RELN: variants seen among roughly 807,000 people sequenced by gnomAD.
The protein encoded by RELN is reelin.
RELN carries 108 observed loss-of-function variants against 427.6 expected under a neutral mutation model. That is an observed-to-expected ratio of 0.25 (90% CI 0.22 to 0.30). The LOEUF (loss-of-function observed/expected upper bound fraction) is 0.30. Among genes scored for constraint, RELN ranks in the 10% least tolerant of loss-of-function variants. The probability of loss-of-function intolerance (pLI) is 1.00; values close to 1 mark genes in which losing one functional copy is unlikely to be tolerated. For synonymous variants in RELN, 1,524 were observed against 1,513.4 expected (o/e 1.01, Z -0.16); for missense variants, 3,715 against 4,302.8 (o/e 0.86, Z 3.82).
In RELN at chr7:103,773,327, C is replaced by A. The variant is rs1429072983; in HGVS notation, c.544+3230G>T. On this transcript the variant is annotated intron_variant, in intron 4 of 64. Transcript: ENST00000428762. Reference sequence around the variant, plus strand: ...TCCCTCCCTCGCTCCCTCCGTCTCTCTCTCTCCCTCGCTTCCTCTCTCTCT... The same window carrying A: ...TCCCTCCCTCGCTCCCTCCGTCTCTATCTCTCCCTCGCTTCCTCTCTCTCT... 2.0e-4 allele frequency among the ~76,000 whole-genome samples: 16 copies of A among 80,760 alleles called. 1 individual carries two copies. Among genetic ancestry groups the A allele is most frequent in the Non-Finnish European group, 3.1e-4 (13 of 41,494 alleles). 53.0% of individuals were successfully genotyped at this position (80,760 alleles called of 152,430 possible).
chr7:103,963,900 T>C (rs1451094879), intron 1 of RELN, among the ~76,000 whole-genome samples: 1 of 152,158 alleles, frequency 6.6e-6, no homozygotes, highest in Non-Finnish European at 1.5e-5. Flanking sequence ...TTGTGGCTCA[T>C]GTCTGTAATC....
chr7:103,719,999 T>C (rs546607838), intron 8 of RELN, among the ~76,000 whole-genome samples: 1 of 152,268 alleles, frequency 6.6e-6, no homozygotes, highest in South Asian at 2.1e-4. Context: ...TTAAAAATCA[T>C]TGGTTAAGAC....
chr7:103,603,834 T>C lies in RELN; in HGVS notation c.3147-344A>G, dbSNP rs576331548. Among the ~76,000 whole-genome samples, 1 of 152,284 alleles carries C rather than the reference T, an allele frequency of 6.6e-6. No homozygotes were observed. Among genetic ancestry groups the C allele is most frequent in the Admixed American group, 6.5e-5 (1 of 15,294 alleles). On this transcript the variant is annotated intron_variant, in intron 23 of 64. Transcript: ENST00000428762. The surrounding 1 kb of genome is among the most constrained non-coding windows in gnomAD (Gnocchi z 4.3). ...CCCTATTGCCTTAAAAAATCACATA[T>C]AAATGTCTGTCTGCTCAACCAACAT... is the stretch of plus-strand genomic sequence containing the variant.
chr7:103,797,934 G>A (rs1792349500), intron 3 of RELN, among the ~76,000 whole-genome samples: 1 of 152,174 alleles, frequency 6.6e-6, no homozygotes, highest in Admixed American at 6.5e-5. Flanking sequence ...ATTTTCATTT[G>A]AGAGAAAACA....
chr7:103,668,653 A>G (rs993957388), intron 11 of RELN, among the ~76,000 whole-genome samples: 4 of 152,252 alleles, frequency 2.6e-5, no homozygotes, highest in Admixed American at 2.0e-4. Context: ...AACAGATTAC[A>G]TCAATCATTC....
intron 8 of RELN, among the ~76,000 whole-genome samples, chr7:103,704,305 A>C (rs1306370854): frequency 1.3e-5 from 2 of 152,318 alleles, no homozygotes; most frequent in Non-Finnish European, 2.9e-5. Flanking sequence ...TCAAGTATAA[A>C]AATTCTGGCT....
rs558687184 is a variant in RELN, at chr7:103,650,333, G to T, written c.1943C>A (p.Thr648Asn). The change falls in exon 16 of 65, where the codon ACC (threonine) becomes AAC (asparagine). Residue 648 changes from threonine (T) to asparagine (N), a missense_variant. Thr to Asn is a moderately conservative substitution (Grantham distance 65). Coordinates refer to ENST00000428762, the MANE Select transcript of RELN (RefSeq NM_005045.4). ...TCCTGTTTGTCTCCAGCGAATCCTG[G>T]TGTTCCGGGTTAGTGCTGCGTTAGG... ...PLPNAALTRN[T>N]RIRWRQTGPI... 1 of 1,613,112 alleles carries T rather than the reference G, an allele frequency of 6.2e-7. No homozygotes were observed. Among genetic ancestry groups the T allele is most frequent in the African/African-American group, 1.3e-5 (1 of 74,944 alleles).
At chr7:103,923,722 A>G (rs948178831) in intron 1 of RELN, among the ~76,000 whole-genome samples, 1 of 152,124 alleles carries the variant, frequency 6.6e-6, no homozygotes, top group African/African-American at 2.4e-5. Context: ...CACCTAGTAT[A>G]GTCTCCTGTC....
chr7:103,696,715 T>C (rs1352335580), intron 10 of RELN, among the ~76,000 whole-genome samples: 2 of 152,118 alleles, frequency 1.3e-5, no homozygotes, highest in African/African-American at 4.8e-5. Context: ...GCCAATATGA[T>C]CTCCCATTGA....
At chr7:103,522,274 G>A in intron 47 of RELN, 75 bp from the exon 48 acceptor site, 16 of 1,427,548 alleles carry the variant, frequency 1.1e-5, no homozygotes, top group South Asian at 7.1e-5. Flanking sequence ...AATTAGTGAA[G>A]ACTACTCTTT....
chr7:103,617,528 G>T (rs184894954), intron 20 of RELN, among the ~76,000 whole-genome samples: 1 of 151,454 alleles, frequency 6.6e-6, no homozygotes, highest in Non-Finnish European at 1.5e-5. Flanking sequence ...GTATATATAT[G>T]CATATATGTG....
Position 103,503,152 on chromosome 7 carries a change from T to A in RELN, c.8353A>T (p.Ser2785Cys). 10 of 1,614,174 alleles carry A rather than the reference T, an allele frequency of 6.2e-6. No individual in the cohort carries two copies. The highest frequency in any genetic ancestry group is 4.2e-6 in the Non-Finnish European group (5 of 1,180,036). Residue 2785 changes from serine to cysteine, a missense_variant, in exon 52 of 65, where the codon AGT (serine) becomes TGT (cysteine). Ser to Cys is a moderately radical substitution (Grantham distance 112). Coordinates refer to ENST00000428762, the MANE Select transcript of RELN (RefSeq NM_005045.4). ...CACTGAGGGACCAGATAATTCCAAC[T>A]CACACCGAAGTCAGTAGAATACTGC... ...HVQYSTDFGV[S>C]WNYLVPQCLP...
intron 1 of RELN, among the ~76,000 whole-genome samples, chr7:103,941,895 T>C (rs192958497): frequency 2.5e-4 from 38 of 152,038 alleles, no homozygotes; most frequent in African/African-American, 9.2e-4. Context: ...CATCAGTATC[T>C]CTTTAAATAA....
At chr7:103,880,611 G>T (rs775682201) in intron 2 of RELN, among the ~76,000 whole-genome samples, 2 of 152,108 alleles carry the variant, frequency 1.3e-5, no homozygotes, top group African/African-American at 2.4e-5. Context: ...TAGCTGTATG[G>T]CCTGGAACAA....
chr7:103,653,683 A>G (rs1832968992), intron 13 of RELN, among the ~76,000 whole-genome samples: 1 of 152,088 alleles, frequency 6.6e-6, no homozygotes, highest in Non-Finnish European at 1.5e-5. Context: ...TCTAGTTAGC[A>G]AAGAAAAAAG....
At chr7:103,735,563 G>A (rs1170056550) in intron 6 of RELN, among the ~76,000 whole-genome samples, 2 of 152,110 alleles carry the variant, frequency 1.3e-5, no homozygotes, top group East Asian at 3.8e-4. Flanking sequence ...TTTATGAATG[G>A]TTGGTGGTGA....
chr7:103,610,793 A>G lies in RELN; in HGVS notation c.2910T>C (p.Ser970=). The change falls in exon 22 of 65, where the codon AGT becomes AGC. Residue 970 remains serine (S), a synonymous_variant. Coordinates refer to ENST00000428762, the MANE Select transcript of RELN (RefSeq NM_005045.4). ...WHLVQEECLP[S]MPSCQEFTSA... is the part of the protein sequence containing the mutation. Reference sequence around the variant, plus strand: ...ATGTAAATTCCTGACAACTTGGCATACTTGGAAGGCATTCCTGAAAGAAAG... The same window carrying G: ...ATGTAAATTCCTGACAACTTGGCATGCTTGGAAGGCATTCCTGAAAGAAAG... The G allele has an allele frequency of 6.2e-7, 1 of 1,603,952 alleles. No individual in the cohort carries two copies. Among genetic ancestry groups the G allele is most frequent in the South Asian group, 1.1e-5 (1 of 90,858 alleles).
chr7:103,492,102 TC>T, intron 57 of RELN, 76 bp from the exon 58 acceptor site: 1 of 1,156,192 alleles, frequency 8.6e-7, no homozygotes, highest in Non-Finnish European at 1.3e-6. Context: ...ATCCCATCCG[TC>T]CATTTATTAC....
chr7:103,882,510 C>T (rs924114163), intron 2 of RELN, among the ~76,000 whole-genome samples: 3 of 151,936 alleles, frequency 2.0e-5, no homozygotes, highest in Non-Finnish European at 4.4e-5. Flanking sequence ...CTCCTGCCTG[C>T]TGGTTTTTTT....
Sources: gnomAD v4.1 joint callset for allele counts (sites outside exome capture counted in the v4.1 genomes callset) on GRCh38, gnomAD v4.1.1 for gene constraint, Gnocchi (gnomAD v3.1) non-coding constraint, MANE v1.5 for transcripts, NCBI Gene and HGNC (gene_info 2026-07-23, HGNC 2026-07-21) for gene names.